Variants in GXYLT1 observed in about 807,000 individuals in gnomAD.
GXYLT1 encodes the protein glucoside xylosyltransferase 1, also known as glycosyltransferase 8 domain containing 3.
GXYLT1 carries 29 observed loss-of-function variants against 54.0 expected under a neutral mutation model. That is an observed-to-expected ratio of 0.54 (90% CI 0.40 to 0.73). The LOEUF is 0.73. Among genes scored for constraint, GXYLT1 ranks in the 30% least tolerant of loss-of-function variants. GXYLT1 has a pLI of 0.00. For synonymous variants in GXYLT1, 176 were observed against 204.1 expected, an observed-to-expected ratio of 0.86 and a Z score of 1.17; for missense variants, 490 against 553.4, an observed-to-expected ratio of 0.89 and a Z score of 1.15.
Position 42,144,675 on chromosome 12 carries a change from C to G in GXYLT1, c.-29G>C. 6 of 1,381,348 alleles carry G rather than the reference C, an allele frequency of 4.3e-6. No individual in the cohort carries two copies. Among genetic ancestry groups the G allele is most frequent in the Non-Finnish European group, 5.7e-6 (6 of 1,058,306 alleles). The allele number at this position is 1,381,348 out of a possible 1,614,324, so 85.6% of individuals were successfully genotyped here. A position where few individuals can be genotyped will look rare whatever the true frequency, so the allele number is the denominator to read the frequency against. Reference sequence around the variant, plus strand: ...CCCGGCCGCGCTCCTCCTTCGCCGCCGCCGCCGCGCCCGCCCCGACGAACT... The same window carrying G: ...CCCGGCCGCGCTCCTCCTTCGCCGCGGCCGCCGCGCCCGCCCCGACGAACT... On this transcript the variant is annotated 5_prime_UTR_variant, in exon 1 of 8. Coordinates refer to ENST00000398675, the MANE Select transcript of GXYLT1 (RefSeq NM_173601.2).
intron 7 of GXYLT1, among the ~76,000 whole-genome samples, chr12:42,091,515 T>C (rs902965336): frequency 1.3e-5 from 2 of 152,186 alleles, no homozygotes; most frequent in African/African-American, 4.8e-5. Context: ...AGCACTTTTC[T>C]TCATTTTTAT....
intron 1 of GXYLT1, among the ~76,000 whole-genome samples, chr12:42,137,652 G>A (rs1222922636): frequency 1.3e-5 from 2 of 151,678 alleles, no homozygotes; most frequent in Non-Finnish European, 2.9e-5. Flanking sequence ...AGCTACTTGG[G>A]AGGCTGAGGC....
At chr12:42,119,845 T>C (rs2065519947) in intron 2 of GXYLT1, among the ~76,000 whole-genome samples, 1 of 152,138 alleles carries the variant, frequency 6.6e-6, no homozygotes, top group African/African-American at 2.4e-5. Context: ...AGGGCAAACA[T>C]CAAATTACAA....
chr12:42,098,601 G>A (rs2065370952), intron 5 of GXYLT1, among the ~76,000 whole-genome samples: 1 of 151,168 alleles, frequency 6.6e-6, no homozygotes, highest in South Asian at 2.1e-4. Context: ...GAGGGAGTGG[G>A]GAAGATCAAC....
At chr12:42,119,808 GA>G (rs925572498) in intron 2 of GXYLT1, among the ~76,000 whole-genome samples, 2 of 152,102 alleles carry the variant, frequency 1.3e-5, no homozygotes, top group African/African-American at 2.4e-5. Flanking sequence ...TCAAAAAAAA[GA>G]ATGTATTTAT....
intron 7 of GXYLT1, among the ~76,000 whole-genome samples, chr12:42,094,458 G>C (rs1249121472): frequency 6.6e-6 from 1 of 150,740 alleles, no homozygotes; most frequent in East Asian, 2.0e-4. Flanking sequence ...GGTAATTCAA[G>C]ACCAGCCTGA....
intron 5 of GXYLT1, 38 bp downstream of exon 5, chr12:42,105,780 T>C: frequency 2.0e-6 from 3 of 1,531,356 alleles, no homozygotes; most frequent in Non-Finnish European, 2.6e-6. Flanking sequence ...AGAAGGTTTT[T>C]AGAGAAATGT....
rs2065263866 is a variant in GXYLT1, at chr12:42,083,267, A to G, written c.*4519T>C. 1 of 152,192 alleles carries G rather than the reference A, an allele frequency of 6.6e-6. No individual in the cohort carries two copies. Among genetic ancestry groups the G allele is most frequent in the Non-Finnish European group, 1.5e-5 (1 of 68,020 alleles). 9.4% of individuals were successfully genotyped at this position (152,192 alleles called of 1,614,324 possible). A position where few individuals can be genotyped will look rare whatever the true frequency, so the allele number is the denominator to read the frequency against. The stretch of plus-strand genomic sequence containing the variant: ...TAAAACCTAGTTTCATGTTTAATGA[A>G]TTAAGAAACAACATCAGAACAGTTT... On this transcript the variant is annotated 3_prime_UTR_variant, in exon 8 of 8. Coordinates refer to ENST00000398675, the MANE Select transcript of GXYLT1 (RefSeq NM_173601.2).
chr12:42,130,101 G>T lies in GXYLT1; in HGVS notation c.222-250C>A, dbSNP rs991983170. 3.3e-5 allele frequency among the ~76,000 whole-genome samples: 5 copies of T among 152,200 alleles called. No individual in the cohort carries two copies. The South Asian group carries it at 1.0e-3, about 32-fold the overall frequency. On this transcript the variant is annotated intron_variant, in intron 1 of 7. Transcript: ENST00000398675. ...ATTGGGAAACAGTGTTTCCGTCGGA[G>T]AGTCTCCTGATAAAATCCCCTCCTC...
chr12:42,098,724 T>G (rs1000112666), intron 5 of GXYLT1, among the ~76,000 whole-genome samples: 1 of 139,332 alleles, frequency 7.2e-6, no homozygotes, highest in South Asian at 2.4e-4. Flanking sequence ...ATCTTTCTAC[T>G]TATTTAAGTG....
Position 42,115,714 on chromosome 12 carries a change from T to C in GXYLT1, c.486+3286A>G, listed in dbSNP as rs2065490057. ...AAAATGGCCATACTGCCCAAGGTAA[T>C]TTATAGATTCAATGCCATCCCCATC... On this transcript the variant is annotated intron_variant, in intron 3 of 7. Coordinates refer to ENST00000398675, the MANE Select transcript of GXYLT1 (RefSeq NM_173601.2). Among the ~76,000 whole-genome samples the C allele has an allele frequency of 2.0e-5, 3 of 151,838 alleles. 1 individual carries two copies. The South Asian group carries it at 6.2e-4, about 32-fold the overall frequency.
chr12:42,111,704 T>A (rs1202570860), intron 3 of GXYLT1, among the ~76,000 whole-genome samples: 1 of 152,222 alleles, frequency 6.6e-6, no homozygotes, highest in Non-Finnish European at 1.5e-5. Context: ...GCTCCACCTC[T>A]GGGGGCAGGG....
intron 1 of GXYLT1, among the ~76,000 whole-genome samples, chr12:42,131,886 A>C (rs1444808551): frequency 3.3e-5 from 5 of 152,212 alleles, no homozygotes; most frequent in African/African-American, 1.2e-4. Context: ...TTTCAGATAC[A>C]GATGATAGCA....
Position 42,106,212 on chromosome 12 carries a change from A to C in GXYLT1, c.613-143T>G. The C allele has an allele frequency of 1.0e-5, 6 of 571,792 alleles. No homozygotes were observed. The Admixed American group carries it at 1.8e-4, about 17-fold the overall frequency. 35.4% of individuals were successfully genotyped at this position (571,792 alleles called of 1,614,324 possible). A position where few individuals can be genotyped will look rare whatever the true frequency, so the allele number is the denominator to read the frequency against. ...TAAGGTAATCTTTCCTAAATCTGTC[A>C]TTTTTAACAATAGCATATATATAAA... On this transcript the variant is annotated intron_variant, in intron 4 of 7. Coordinates refer to ENST00000398675, the MANE Select transcript of GXYLT1 (RefSeq NM_173601.2).
At chr12:42,130,618 C>T (rs912547403) in intron 1 of GXYLT1, among the ~76,000 whole-genome samples, 1 of 152,202 alleles carries the variant, frequency 6.6e-6, no homozygotes, top group African/African-American at 2.4e-5. Context: ...AGCAACCCCA[C>T]TGCTGTGTGT....
At chr12:42,142,434 T>G (rs1485266543) in intron 1 of GXYLT1, among the ~76,000 whole-genome samples, 1 of 151,990 alleles carries the variant, frequency 6.6e-6, no homozygotes, top group Non-Finnish European at 1.5e-5. Flanking sequence ...ACTCCTGGGC[T>G]CAAGTGATCC....
chr12:42,112,966 G>T (rs2065468195), intron 3 of GXYLT1, among the ~76,000 whole-genome samples: 1 of 151,136 alleles, frequency 6.6e-6, no homozygotes, highest in Non-Finnish European at 1.5e-5. Context: ...AAGAGAGTGG[G>T]GACCAACATT....
intron 1 of GXYLT1, among the ~76,000 whole-genome samples, chr12:42,139,688 C>G (rs1307783127): frequency 6.6e-6 from 1 of 152,164 alleles, no homozygotes; most frequent in African/African-American, 2.4e-5. Flanking sequence ...CCAAAGAAAC[C>G]AAGATAACCC....
chr12:42,093,579 G>T (rs1349938057), intron 7 of GXYLT1, among the ~76,000 whole-genome samples: 1 of 152,162 alleles, frequency 6.6e-6, no homozygotes. Context: ...GTGTACAAAT[G>T]AACTGACCAA....
Sources: allele counts gnomAD v4.1 joint callset (sites outside exome capture counted in the v4.1 genomes callset), GRCh38; gene constraint gnomAD v4.1.1; transcripts MANE v1.5; gene names NCBI Gene and HGNC (gene_info 2026-07-23, HGNC 2026-07-21).